The following MPZL1 variants were observed in gnomAD, a reference collection of about 807,000 sequenced individuals.
MPZL1 encodes myelin protein zero-like protein 1.
A neutral mutation model predicts 29.3 loss-of-function variants in MPZL1; 16 were observed. The ratio of observed to expected loss-of-function variants is 0.55; its 90% CI spans 0.37 to 0.83. MPZL1 has a LOEUF of 0.83. Ranked by LOEUF, MPZL1 falls within the 40% of genes least tolerant of loss-of-function variation. MPZL1 has a pLI of 0.00. For missense variants in MPZL1, 279 were observed against 332.9 expected, an observed-to-expected ratio of 0.84 and a Z score of 1.26; for synonymous variants, 143 against 132.0, an observed-to-expected ratio of 1.08 and a Z score of -0.57.
chr1:167,727,400 A>G (rs535523259), intron 1 of MPZL1, among the ~76,000 whole-genome samples: 2 of 152,344 alleles, frequency 1.3e-5, no homozygotes, highest in African/African-American at 4.8e-5. Flanking sequence ...CATACATCTC[A>G]TGTGTACCTC....
Position 167,787,947 on chromosome 1 carries a change from CA to C in MPZL1, c.*28del. The C allele has an allele frequency of 1.3e-6, 2 of 1,580,230 alleles. No homozygotes were observed. Among genetic ancestry groups the C allele is most frequent in the Non-Finnish European group, 1.7e-6 (2 of 1,149,434 alleles). ...GAGAATACCTAGAACATATCCTCAG[CA>C]AGAAACAAAACCAAACTGGACTCTC... On this transcript the variant is annotated 3_prime_UTR_variant, in exon 6 of 6. Coordinates refer to ENST00000359523, the MANE Select transcript of MPZL1 (RefSeq NM_003953.6).
intron 1 of MPZL1, among the ~76,000 whole-genome samples, chr1:167,748,940 C>T (rs1430713133): frequency 6.6e-6 from 1 of 152,158 alleles, no homozygotes; most frequent in African/African-American, 2.4e-5. Flanking sequence ...AACAGTCTCT[C>T]ATTGATGGAG....
intron 1 of MPZL1, among the ~76,000 whole-genome samples, chr1:167,748,519 A>G (rs1660693700): frequency 6.6e-6 from 1 of 152,202 alleles, no homozygotes. Flanking sequence ...TTCTTTATAT[A>G]TTTGAATACA....
At chr1:167,785,754 G>A (rs1361178948) in intron 5 of MPZL1, among the ~76,000 whole-genome samples, 1 of 152,156 alleles carries the variant, frequency 6.6e-6, no homozygotes, top group Non-Finnish European at 1.5e-5. Flanking sequence ...GCTGTTACCA[G>A]GGAACAGTTA....
chr1:167,773,377 C>A lies in MPZL1; in HGVS notation c.605+9C>A. 3 of 1,608,808 alleles carry A rather than the reference C, an allele frequency of 1.9e-6. No homozygotes were observed. On this transcript the variant is annotated intron_variant, in intron 4 of 5. Coordinates refer to ENST00000359523, the MANE Select transcript of MPZL1 (RefSeq NM_003953.6). Reference sequence around the variant, plus strand: ...AAACGGGATTACACTGGGTAAGAAACACTGTTTTTTTAGGGCAGGGGTGGA... The same window carrying A: ...AAACGGGATTACACTGGGTAAGAAAAACTGTTTTTTTAGGGCAGGGGTGGA...
intron 1 of MPZL1, among the ~76,000 whole-genome samples, chr1:167,729,483 C>G (rs1194745831): frequency 3.9e-5 from 6 of 152,160 alleles, no homozygotes; most frequent in Non-Finnish European, 7.3e-5. Flanking sequence ...TGTGGCCAGA[C>G]AGTGTCTAAT....
chr1:167,787,798 T>G (rs1571177968), intron 5 of MPZL1, 22 bp from the exon 6 acceptor site: 1 of 1,574,620 alleles, frequency 6.4e-7, no homozygotes, highest in Non-Finnish European at 8.7e-7. Flanking sequence ...AGTCCTCTAA[T>G]CCTTCTGCTT....
intron 1 of MPZL1, among the ~76,000 whole-genome samples, chr1:167,756,640 A>G (rs1660874566): frequency 6.6e-6 from 1 of 152,094 alleles, no homozygotes; most frequent in African/African-American, 2.4e-5. Context: ...TTGTAGAGCA[A>G]GTTGATTTTT....
chr1:167,787,997 C>T lies in MPZL1; in HGVS notation c.*76C>T. On this transcript the variant is annotated 3_prime_UTR_variant, in exon 6 of 6. Transcript: ENST00000359523. The stretch of plus-strand genomic sequence containing the variant: ...TCGTGCAGAAAATGTAGCCCATTAC[C>T]ACATGTAGCCTTGGAGACCCAGGCA... 8 of 1,238,626 alleles carry T rather than the reference C, an allele frequency of 6.5e-6. No homozygotes were observed. The South Asian group carries it at 1.0e-4, about 15-fold the overall frequency. The allele number at this position is 1,238,626 out of a possible 1,614,324, so 76.7% of individuals were successfully genotyped here.
Position 167,741,174 on chromosome 1 carries a change from G to A in MPZL1, c.91+18932G>A, listed in dbSNP as rs1037423089. On this transcript the variant is annotated intron_variant, in intron 1 of 5. Transcript: ENST00000359523. ...TGGGACTGTAGGCATGTGCCACCAC[G>A]CCTGGCTAATTTTTTTTTTTTTTTT... 4.0e-5 allele frequency among the ~76,000 whole-genome samples: 6 copies of A among 149,054 alleles called. No individual in the cohort carries two copies. The East Asian group carries it at 7.9e-4, about 20-fold the overall frequency.
chr1:167,781,629 T>TA (rs34163020), intron 5 of MPZL1, among the ~76,000 whole-genome samples: 27,779 of 152,076 alleles, frequency 0.18, 3,031 homozygotes, highest in East Asian at 0.36. Context: ...AATAAAGCTC[T>TA]AAAATTGATG....
chr1:167,734,122 G>C (rs975879992), intron 1 of MPZL1, among the ~76,000 whole-genome samples: 1 of 151,954 alleles, frequency 6.6e-6, no homozygotes, highest in South Asian at 2.1e-4. Context: ...CAGGCATGGT[G>C]GTGGGCACCT....
intron 5 of MPZL1, among the ~76,000 whole-genome samples, chr1:167,782,723 T>C (rs1661521294): frequency 6.6e-6 from 1 of 152,166 alleles, no homozygotes; most frequent in Non-Finnish European, 1.5e-5. Context: ...TGTCTTGGGT[T>C]ATCTGGGTGG....
At chr1:167,740,681 A>G (rs1183262924) in intron 1 of MPZL1, among the ~76,000 whole-genome samples, 1 of 152,166 alleles carries the variant, frequency 6.6e-6, no homozygotes. Flanking sequence ...GTATGCTGGT[A>G]ACTTCCAAAA....
At chr1:167,748,646 C>G (rs1660697027) in intron 1 of MPZL1, among the ~76,000 whole-genome samples, 1 of 151,958 alleles carries the variant, frequency 6.6e-6, no homozygotes, top group South Asian at 2.1e-4. Flanking sequence ...CCTATTATTT[C>G]TTTTGTTACT....
chr1:167,731,772 A>G (rs563397682), intron 1 of MPZL1, among the ~76,000 whole-genome samples: 30 of 151,822 alleles, frequency 2.0e-4, no homozygotes, highest in Non-Finnish European at 4.3e-4. Context: ...AAGGGGGATC[A>G]GAAAATGCTA....
chr1:167,778,485 C>T (rs999505423), intron 5 of MPZL1, among the ~76,000 whole-genome samples: 3 of 151,702 alleles, frequency 2.0e-5, no homozygotes, highest in Non-Finnish European at 4.4e-5. Flanking sequence ...TAGTGAGACC[C>T]TATCTCAAAT....
intron 1 of MPZL1, among the ~76,000 whole-genome samples, chr1:167,731,449 T>C (rs2101748234): frequency 6.7e-6 from 1 of 149,888 alleles, no homozygotes; most frequent in Admixed American, 6.6e-5. Context: ...TTTTTTTTTT[T>C]TTTTTGAGAC....
At chr1:167,750,708 G>A (rs111574152) in intron 1 of MPZL1, among the ~76,000 whole-genome samples, 2,522 of 152,176 alleles carry the variant, frequency 0.017, 72 homozygotes, top group African/African-American at 0.057. Flanking sequence ...TCAAAATTAG[G>A]AAATGAATAT....
Sources: gnomAD v4.1 joint callset for allele counts (sites outside exome capture counted in the v4.1 genomes callset) on GRCh38, gnomAD v4.1.1 for gene constraint, MANE v1.5 for transcripts, NCBI Gene and HGNC (gene_info 2026-07-23, HGNC 2026-07-21) for gene names.